DENND1A: variants seen among roughly 807,000 people sequenced by gnomAD.
DENND1A encodes the protein DENN domain containing 1A.
A neutral mutation model predicts 113.7 loss-of-function variants in DENND1A; 51 were observed. The observed-to-expected ratio is 0.45, with a 90% confidence interval of 0.36 to 0.57. The LOEUF (loss-of-function observed/expected upper bound fraction) is 0.57, where lower values mean the gene tolerates loss of function less well. Ranked by LOEUF, DENND1A falls within the 20% of genes least tolerant of loss-of-function variation. The pLI, the probability that DENND1A is intolerant of heterozygous loss-of-function variation, is 0.00. For synonymous variants in DENND1A, 565 were observed against 570.8 expected, an observed-to-expected ratio of 0.99 and a Z score of 0.14; for missense variants, 1,258 against 1,395.9, an observed-to-expected ratio of 0.90 and a Z score of 1.57.
intron 12 of DENND1A, among the ~76,000 whole-genome samples, chr9:123,558,230 AC>A (rs946709676): frequency 3.3e-4 from 51 of 152,338 alleles, no homozygotes; most frequent in African/African-American, 1.2e-3. Flanking sequence ...ATACCTAGCA[AC>A]AAACTCAAGA....
chr9:123,525,018 G>A (rs914433070), intron 13 of DENND1A, among the ~76,000 whole-genome samples: 41 of 152,192 alleles, frequency 2.7e-4, no homozygotes, highest in Admixed American at 2.5e-3. Context: ...TCGCTAAGGC[G>A]TTCCATAGCC....
rs561302767 is a variant in DENND1A at position 123,452,480 on chromosome 9, A to G, written c.1228-133T>C. ...AATGCACATCGAGAAATAGGCCTGG[A>G]TGATAACTGGTCCCTGCCAGTCAGT... On this transcript the variant is annotated intron_variant, in intron 16 of 23. Transcript: ENST00000394215. 246 of 723,788 alleles carry G rather than the reference A, an allele frequency of 3.4e-4. 1 individual carries two copies. The East Asian group carries it at 6.6e-3, about 19-fold the overall frequency. 44.8% of individuals were successfully genotyped at this position (723,788 alleles called of 1,614,324 possible). A position where few individuals can be genotyped will look rare whatever the true frequency, so the allele number is the denominator to read the frequency against.
chr9:123,549,224 C>A (rs765612781), intron 13 of DENND1A, among the ~76,000 whole-genome samples: 1 of 152,180 alleles, frequency 6.6e-6, no homozygotes, highest in Non-Finnish European at 1.5e-5. Context: ...CAGTCCCTTC[C>A]AGGCGTCATG....
intron 12 of DENND1A, among the ~76,000 whole-genome samples, chr9:123,576,413 CA>C (rs1460977653): frequency 6.6e-6 from 1 of 152,196 alleles, no homozygotes; most frequent in Non-Finnish European, 1.5e-5. Flanking sequence ...CCTATAATAT[CA>C]TTTTTCCCCG....
chr9:123,443,404 GT>G (rs2132441071), intron 18 of DENND1A, among the ~76,000 whole-genome samples: 1 of 152,348 alleles, frequency 6.6e-6, no homozygotes, highest in African/African-American at 2.4e-5. Flanking sequence ...AGCACATGCT[GT>G]CAAATAAACC....
intron 5 of DENND1A, among the ~76,000 whole-genome samples, chr9:123,715,926 T>C (rs904244391): frequency 6.6e-6 from 1 of 152,070 alleles, no homozygotes; most frequent in Non-Finnish European, 1.5e-5. Flanking sequence ...TCCCCCCACC[T>C]CAGCCTCCCA....
intron 1 of DENND1A, among the ~76,000 whole-genome samples, chr9:123,917,085 G>C (rs1230413074): frequency 6.6e-6 from 1 of 152,012 alleles, no homozygotes; most frequent in Non-Finnish European, 1.5e-5. Flanking sequence ...TCAAGAGGCT[G>C]AAGCAGGAGA....
At chr9:123,459,190 C>G (rs1207415614) in intron 13 of DENND1A, among the ~76,000 whole-genome samples, 1 of 152,076 alleles carries the variant, frequency 6.6e-6, no homozygotes, top group Non-Finnish European at 1.5e-5. Flanking sequence ...AGATTTTATA[C>G]AGAAGGAACC....
intron 11 of DENND1A, among the ~76,000 whole-genome samples, chr9:123,607,206 G>A (rs1238414638): frequency 6.6e-6 from 1 of 152,006 alleles, no homozygotes; most frequent in African/African-American, 2.4e-5. Context: ...CTAGCAAAAT[G>A]CTTGGAACAT....
At chr9:123,633,309 C>A (rs2061561256) in intron 9 of DENND1A, among the ~76,000 whole-genome samples, 1 of 152,064 alleles carries the variant, frequency 6.6e-6, no homozygotes, top group Non-Finnish European at 1.5e-5. Context: ...TCTCAGTGGC[C>A]CAGAACACAC....
intron 22 of DENND1A, among the ~76,000 whole-genome samples, chr9:123,384,920 C>T (rs1180285730): frequency 1.3e-5 from 2 of 152,138 alleles, no homozygotes; most frequent in African/African-American, 2.4e-5. Context: ...TGCACTCCAG[C>T]CTAGGCGACA....
intron 3 of DENND1A, among the ~76,000 whole-genome samples, chr9:123,788,279 C>T (rs1254350775): frequency 2.6e-5 from 4 of 151,814 alleles, no homozygotes; most frequent in South Asian, 2.1e-4. Flanking sequence ...GAAATCTCTC[C>T]GATAGGTTAT....
intron 5 of DENND1A, among the ~76,000 whole-genome samples, chr9:123,742,719 A>G (rs1451223325): frequency 1.3e-5 from 2 of 152,208 alleles, no homozygotes; most frequent in African/African-American, 4.8e-5. Flanking sequence ...CTGAGGCCAT[A>G]AAAAGCAGGT....
At chr9:123,467,029 T>C (rs1310572768) in intron 13 of DENND1A, among the ~76,000 whole-genome samples, 1 of 151,788 alleles carries the variant, frequency 6.6e-6, no homozygotes, top group Non-Finnish European at 1.5e-5. Flanking sequence ...TCAGCCTGGG[T>C]GACAGAGCAA....
chr9:123,553,593 C>T (rs753690513), intron 13 of DENND1A, among the ~76,000 whole-genome samples: 4 of 152,158 alleles, frequency 2.6e-5, no homozygotes, highest in Non-Finnish European at 4.4e-5. Flanking sequence ...ATTGCTTTCT[C>T]AGGCATATCT....
chr9:123,675,364 G>C (rs1470416690), intron 6 of DENND1A, among the ~76,000 whole-genome samples: 3 of 152,158 alleles, frequency 2.0e-5, no homozygotes, highest in Admixed American at 6.5e-5. Flanking sequence ...AGGCGACCCA[G>C]GTTTCTCCAA....
At chr9:123,665,297 A>T (rs2063440905) in intron 8 of DENND1A, among the ~76,000 whole-genome samples, 1 of 152,176 alleles carries the variant, frequency 6.6e-6, no homozygotes, top group South Asian at 2.1e-4. Flanking sequence ...TTACCATGTA[A>T]GCTTGTTGAG....
chr9:123,667,553 G>T (rs2063550950), intron 7 of DENND1A, among the ~76,000 whole-genome samples: 1 of 152,158 alleles, frequency 6.6e-6, no homozygotes, highest in South Asian at 2.1e-4. Context: ...GGAGGTGGAG[G>T]TTGCAGTGAG....
intron 5 of DENND1A, among the ~76,000 whole-genome samples, chr9:123,700,520 T>C (rs79634023): frequency 0.013 from 1,968 of 152,302 alleles, 45 homozygotes; most frequent in African/African-American, 0.044. Context: ...GTCCAAAATT[T>C]GTAGGGCAGG....
Sources: allele counts gnomAD v4.1 joint callset (sites outside exome capture counted in the v4.1 genomes callset), GRCh38; gene constraint gnomAD v4.1.1; transcripts MANE v1.5; gene names NCBI Gene and HGNC (gene_info 2026-07-23, HGNC 2026-07-21).